The following KALRN variants were observed in gnomAD, a reference collection of about 807,000 sequenced individuals.
The protein encoded by KALRN is kalirin.
KALRN carries 70 observed loss-of-function variants against 353.7 expected under a neutral mutation model. The ratio of observed to expected loss-of-function variants is 0.20; its 90% CI spans 0.16 to 0.24. The LOEUF (loss-of-function observed/expected upper bound fraction) is 0.24, where lower values mean the gene tolerates loss of function less well. KALRN is among the 10% of genes least tolerant of loss of function. The pLI, the probability that KALRN is intolerant of heterozygous loss-of-function variation, is 1.00. For missense variants in KALRN, 2,791 were observed against 3,756.7 expected (o/e 0.74, Z 6.72); for synonymous variants, 1,391 against 1,434.8 (o/e 0.97, Z 0.69).
chr3:124,300,739 A>G (rs1402874199), intron 6 of KALRN, among the ~76,000 whole-genome samples: 1 of 152,210 alleles, frequency 6.6e-6, no homozygotes, highest in Admixed American at 6.5e-5. Context: ...AGACTTGCAT[A>G]GAAAGATCAC....
intron 53 of KALRN, among the ~76,000 whole-genome samples, chr3:124,695,609 A>G (rs1292428203): frequency 6.6e-6 from 1 of 152,114 alleles, no homozygotes; most frequent in Non-Finnish European, 1.5e-5. Flanking sequence ...TGGACCTTGT[A>G]TTGGGGTGAA....
chr3:124,514,021 G>A (rs1054067704), intron 33 of KALRN, among the ~76,000 whole-genome samples: 4 of 152,108 alleles, frequency 2.6e-5, no homozygotes, highest in South Asian at 2.1e-4. Context: ...TAAGAAGGTC[G>A]CAAAAATCAG....
intron 10 of KALRN, among the ~76,000 whole-genome samples, chr3:124,370,213 G>A (rs2085646317): frequency 6.6e-6 from 1 of 152,050 alleles, no homozygotes; most frequent in Non-Finnish European, 1.5e-5. Context: ...CAAGAAAAAT[G>A]GATGCCCTTT....
chr3:124,689,433 G>A (rs551447826), intron 51 of KALRN, among the ~76,000 whole-genome samples: 37 of 152,164 alleles, frequency 2.4e-4, no homozygotes, highest in Middle Eastern at 6.8e-3. Context: ...CTTGAACTAA[G>A]CTCAAGTGAT....
At chr3:124,104,596 G>A (rs2062132391) in intron 1 of KALRN, among the ~76,000 whole-genome samples, 1 of 152,182 alleles carries the variant, frequency 6.6e-6, no homozygotes, top group Admixed American at 6.5e-5. Flanking sequence ...AATGGTTCCA[G>A]AGTTGTAGCA....
Position 124,696,205 on chromosome 3 carries a change from C to G in KALRN, c.7649C>G (p.Ala2550Gly). The G allele has an allele frequency of 6.2e-7, 1 of 1,613,928 alleles. No homozygotes were observed. The highest frequency in any genetic ancestry group is 8.5e-7 in the Non-Finnish European group (1 of 1,179,786). ...PQDSGIYTCI[A>G]TNDHGTTSTS... ...GACAGTGGGATTTATACCTGCATAG[C>G]AACAAATGACCACGGGACCACATCA... The change falls in exon 54 of 60, where the codon GCA becomes GGA. Residue 2550 changes from alanine (A) to glycine (G), a missense_variant. Physicochemically the swap from Ala to Gly is moderately conservative, Grantham distance 60. Transcript: ENST00000682506.
At chr3:124,528,642 A>C (rs1010992218) in intron 33 of KALRN, among the ~76,000 whole-genome samples, 4 of 152,190 alleles carry the variant, frequency 2.6e-5, no homozygotes, top group Admixed American at 6.5e-5. Flanking sequence ...ACTAGTTACC[A>C]TCTAATGCTA....
At chr3:124,670,858 T>A in intron 47 of KALRN, among the ~76,000 whole-genome samples, 1 of 152,178 alleles carries the variant, frequency 6.6e-6, no homozygotes. Context: ...TATTCTCCTG[T>A]CTTCTGAGTT....
intron 34 of KALRN, among the ~76,000 whole-genome samples, chr3:124,567,136 A>G (rs1349090030): frequency 6.6e-6 from 1 of 152,152 alleles, no homozygotes; most frequent in Non-Finnish European, 1.5e-5. Context: ...CCCCACCTAG[A>G]ACAAATGGAA....
intron 13 of KALRN, among the ~76,000 whole-genome samples, chr3:124,399,964 A>G (rs1316982782): frequency 6.6e-6 from 1 of 152,134 alleles, no homozygotes; most frequent in Non-Finnish European, 1.5e-5. Context: ...AATTAAAGGC[A>G]TGTCTTCTGT....
rs960580115 is a variant in KALRN at position 124,152,198 on chromosome 3, G to A, written c.74-75792G>A. The A allele has an allele frequency of 1.6e-5, 26 of 1,577,288 alleles. 1 individual carries two copies. The Admixed American group carries it at 2.7e-4, about 16-fold the overall frequency. On this transcript the variant is annotated intron_variant, in intron 1 of 59. Coordinates refer to ENST00000682506, the MANE Select transcript of KALRN (RefSeq NM_001388419.1). ...AAAGTGTTATCTGTCAAAGCAATTC[G>A]CTTCTTATTGATTTTGCCATAACCA...
At chr3:124,625,729 T>TTCA (rs5852412) in intron 34 of KALRN, among the ~76,000 whole-genome samples, 53,415 of 151,864 alleles carry the variant, frequency 0.35, 10,810 homozygotes, top group African/African-American at 0.56. Context: ...TGCCCAAATG[T>TTCA]TCATTAGGAA....
At chr3:124,419,421 C>T (rs2092677495) in intron 14 of KALRN, among the ~76,000 whole-genome samples, 1 of 151,676 alleles carries the variant, frequency 6.6e-6, no homozygotes, top group Admixed American at 6.6e-5. Context: ...AATCCAGGCT[C>T]AGAGAGGGTA....
At chr3:124,217,087 A>G (rs2077410442) in intron 1 of KALRN, among the ~76,000 whole-genome samples, 1 of 152,150 alleles carries the variant, frequency 6.6e-6, no homozygotes, top group African/African-American at 2.4e-5. Flanking sequence ...TTATCTGAAT[A>G]TTTGTCCCCC....
At chr3:124,272,155 A>T (rs182542544) in intron 5 of KALRN, among the ~76,000 whole-genome samples, 80 of 152,308 alleles carry the variant, frequency 5.3e-4, no homozygotes, top group African/African-American at 1.8e-3. Context: ...TCTAAATTAA[A>T]CGTTAAAAAT....
intron 1 of KALRN, among the ~76,000 whole-genome samples, chr3:124,069,935 T>C (rs1472132727): frequency 1.3e-5 from 2 of 152,154 alleles, no homozygotes; most frequent in African/African-American, 2.4e-5. Flanking sequence ...GCCTTTCTTA[T>C]CAGGCTGCTG....
intron 1 of KALRN, among the ~76,000 whole-genome samples, chr3:124,225,696 G>A (rs2148465393): frequency 6.6e-6 from 1 of 152,332 alleles, no homozygotes; most frequent in South Asian, 2.1e-4. Flanking sequence ...AAGGATGGGA[G>A]TAGAGAGGAG....
chr3:124,052,978 A>G (rs2041185017), intron 1 of KALRN, among the ~76,000 whole-genome samples: 1 of 152,008 alleles, frequency 6.6e-6, no homozygotes, highest in African/African-American at 2.4e-5. Context: ...GGAGAGAGGG[A>G]CTGGAGAGAC....
chr3:124,432,888 C>T (rs892021530), intron 16 of KALRN, among the ~76,000 whole-genome samples: 3 of 152,110 alleles, frequency 2.0e-5, no homozygotes, highest in Non-Finnish European at 4.4e-5. Context: ...GAGGGCATGG[C>T]AGAGCAGTTA....
Sources: allele counts gnomAD v4.1 joint callset (sites outside exome capture counted in the v4.1 genomes callset), GRCh38; gene constraint gnomAD v4.1.1; transcripts MANE v1.5; gene names NCBI Gene and HGNC (gene_info 2026-07-23, HGNC 2026-07-21).